The following BRINP3 variants were observed in gnomAD, a reference collection of about 807,000 sequenced individuals.
BRINP3 encodes BMP/retinoic acid inducible neural specific 3.
BRINP3 carries 19 observed loss-of-function variants against 71.0 expected under a neutral mutation model. The observed-to-expected ratio is 0.27, with a 90% CI of 0.19 to 0.39. BRINP3 has a LOEUF of 0.39. BRINP3 is among the 10% of genes least tolerant of loss of function. The pLI is 1.00. For missense variants in BRINP3, 959 were observed against 940.8 expected (o/e 1.02, Z -0.25); for synonymous variants, 380 against 337.7 (o/e 1.13, Z -1.37).
At chr1:190,199,808 A>AG (rs1486671214) in intron 6 of BRINP3, among the ~76,000 whole-genome samples, 6 of 151,866 alleles carry the variant, frequency 4.0e-5, no homozygotes, top group African/African-American at 1.4e-4. Context: ...AAACAAAAAA[A>AG]AAACCTAACC....
At chr1:190,308,048 A>T (rs1310767910) in intron 2 of BRINP3, among the ~76,000 whole-genome samples, 2 of 151,924 alleles carry the variant, frequency 1.3e-5, no homozygotes, top group Non-Finnish European at 2.9e-5. Context: ...TTGATATGGT[A>T]TAAACATATA....
chr1:190,112,516 G>A (rs1652780578), intron 7 of BRINP3, among the ~76,000 whole-genome samples: 1 of 152,086 alleles, frequency 6.6e-6, no homozygotes, highest in South Asian at 2.1e-4. Flanking sequence ...ATGCTATTTT[G>A]TTTTTGCACT....
At chr1:190,207,724 A>G (rs1033275913) in intron 6 of BRINP3, among the ~76,000 whole-genome samples, 3 of 152,162 alleles carry the variant, frequency 2.0e-5, no homozygotes, top group African/African-American at 4.8e-5. Flanking sequence ...CAAAGTTTCC[A>G]TTTACAAATG....
At position 190,203,785 on chromosome 1, in the gene BRINP3, AT is replaced by A. The variant is rs1655239997; in HGVS notation, c.961+22296del. On this transcript the variant is annotated intron_variant, in intron 6 of 7. Coordinates refer to ENST00000367462, the MANE Select transcript of BRINP3 (RefSeq NM_199051.3). The stretch of plus-strand genomic sequence containing the variant: ...TATATATATATATATATATATATAT[AT>A]ATATATATATATATATATATATATA... Among the ~76,000 whole-genome samples the A allele has an allele frequency of 3.8e-5, 4 of 104,160 alleles. No homozygotes were observed. In the East Asian group the frequency reaches 1.1e-3, roughly 28 times the overall value. 68.3% of individuals were successfully genotyped at this position (104,160 alleles called of 152,430 possible). A position where few individuals can be genotyped will look rare whatever the true frequency, so the allele number is the denominator to read the frequency against.
chr1:190,146,813 C>T (rs930951794), intron 7 of BRINP3, among the ~76,000 whole-genome samples: 2 of 151,950 alleles, frequency 1.3e-5, no homozygotes, highest in Admixed American at 1.3e-4. Context: ...TGTTTTCCCA[C>T]ATAAATTTCA....
intron 2 of BRINP3, among the ~76,000 whole-genome samples, chr1:190,445,554 G>C (rs1409406924): frequency 6.7e-6 from 1 of 148,172 alleles, no homozygotes; most frequent in Non-Finnish European, 1.5e-5. Flanking sequence ...ATACACACAC[G>C]CACGTGCATA....
At chr1:190,127,986 C>A (rs1407322179) in intron 7 of BRINP3, among the ~76,000 whole-genome samples, 1 of 151,702 alleles carries the variant, frequency 6.6e-6, no homozygotes, top group Admixed American at 6.6e-5. Flanking sequence ...AGTCAAATTT[C>A]TTGGTCCAGA....
chr1:190,297,046 A>G (rs1251028763), intron 2 of BRINP3, among the ~76,000 whole-genome samples: 1 of 152,082 alleles, frequency 6.6e-6, no homozygotes, highest in African/African-American at 2.4e-5. Context: ...CAAAAGTAGA[A>G]AAGAGAATCC....
intron 3 of BRINP3, among the ~76,000 whole-genome samples, chr1:190,276,964 C>T (rs950164971): frequency 2.7e-5 from 4 of 148,764 alleles, no homozygotes; most frequent in African/African-American, 9.8e-5. Flanking sequence ...ATTGTACATT[C>T]AATAACAGTG....
intron 2 of BRINP3, among the ~76,000 whole-genome samples, chr1:190,292,692 A>T (rs1432069089): frequency 6.6e-6 from 1 of 152,082 alleles, no homozygotes; most frequent in Non-Finnish European, 1.5e-5. Flanking sequence ...TCTATTTTTG[A>T]TGGGAGAAAT....
intron 7 of BRINP3, among the ~76,000 whole-genome samples, chr1:190,143,633 A>T (rs1204291400): frequency 6.6e-6 from 1 of 152,192 alleles, no homozygotes; most frequent in African/African-American, 2.4e-5. Context: ...ATCCAAAAAC[A>T]TTTAATGACT....
rs192235244 is a variant in BRINP3, at chr1:190,413,184, C to T, written c.236+41471G>A. Among the ~76,000 whole-genome samples the T allele has an allele frequency of 5.3e-5, 8 of 151,978 alleles. No homozygotes were observed. The East Asian group carries it at 9.7e-4, about 18-fold the overall frequency. Reference sequence around the variant, plus strand: ...GTGCATGTGTGTGTCTGTGTGTGCACGTGCATGTGCGTGTGTGTGTGTATG... The same window carrying T: ...GTGCATGTGTGTGTCTGTGTGTGCATGTGCATGTGCGTGTGTGTGTGTATG... On this transcript the variant is annotated intron_variant, in intron 2 of 7. Coordinates refer to ENST00000367462, the MANE Select transcript of BRINP3 (RefSeq NM_199051.3).
intron 2 of BRINP3, among the ~76,000 whole-genome samples, chr1:190,401,739 G>T (rs1165101697): frequency 6.6e-6 from 1 of 151,688 alleles, no homozygotes; most frequent in Non-Finnish European, 1.5e-5. Context: ...ATTAATAAAA[G>T]AAAACAATTA....
At chr1:190,325,569 GT>G (rs1558183452) in intron 2 of BRINP3, among the ~76,000 whole-genome samples, 1 of 152,038 alleles carries the variant, frequency 6.6e-6, no homozygotes, top group Non-Finnish European at 1.5e-5. Context: ...GATAGCTGAT[GT>G]GTGGAAAAGG....
At chr1:190,285,058 C>A (rs1663317497) in intron 2 of BRINP3, among the ~76,000 whole-genome samples, 1 of 152,044 alleles carries the variant, frequency 6.6e-6, no homozygotes, top group African/African-American at 2.4e-5. Context: ...CTCTTATTTC[C>A]TCTCCACATT....
intron 1 of BRINP3, among the ~76,000 whole-genome samples, chr1:190,470,192 A>T (rs1232648134): frequency 6.6e-5 from 10 of 150,896 alleles, no homozygotes; most frequent in South Asian, 2.1e-4. Flanking sequence ...AAAAGTTAAT[A>T]AAAAAAAGCT....
chr1:190,257,400 A>C (rs982611991), intron 4 of BRINP3, among the ~76,000 whole-genome samples: 4 of 151,882 alleles, frequency 2.6e-5, no homozygotes, highest in African/African-American at 9.7e-5. Flanking sequence ...ATCTTTTTTC[A>C]AATTTTTTAG....
chr1:190,181,558 T>C (rs1198996629), intron 6 of BRINP3, among the ~76,000 whole-genome samples: 2 of 152,046 alleles, frequency 1.3e-5, no homozygotes, highest in Admixed American at 1.3e-4. Flanking sequence ...TATGTATTTG[T>C]TTTAAATGGC....
intron 2 of BRINP3, among the ~76,000 whole-genome samples, chr1:190,292,222 A>G (rs1663923193): frequency 1.3e-5 from 2 of 152,180 alleles, no homozygotes; most frequent in South Asian, 2.1e-4. Flanking sequence ...CAAGAGGTCC[A>G]TTGTAGAGCA....
Sources: allele counts gnomAD v4.1 joint callset (sites outside exome capture counted in the v4.1 genomes callset), GRCh38; gene constraint gnomAD v4.1.1; transcripts MANE v1.5; gene names NCBI Gene and HGNC (gene_info 2026-07-23, HGNC 2026-07-21).